The following HS3ST6 variants were observed in gnomAD, a reference collection of about 807,000 sequenced individuals.
HS3ST6 encodes heparan sulfate-glucosamine 3-sulfotransferase 6.
In HS3ST6, 13 loss-of-function variants were observed where a neutral mutation model predicts 11.0. The ratio of observed to expected loss-of-function variants is 1.18; its 90% CI spans 0.77 to 1.88. The LOEUF (loss-of-function observed/expected upper bound fraction) is 1.88, where lower values mean the gene tolerates loss of function less well. Among genes scored for constraint, HS3ST6 ranks in the 40% most tolerant of loss-of-function variants. The probability of loss-of-function intolerance (pLI) is 0.00; values close to 1 mark genes in which losing one functional copy is unlikely to be tolerated. For missense variants in HS3ST6, 541 were observed against 494.4 expected (o/e 1.09, Z -0.89); for synonymous variants, 232 against 230.6 (o/e 1.01, Z -0.06).
intron 1 of HS3ST6, among the ~76,000 whole-genome samples, chr16:1,914,962 T>C (rs1399452501): frequency 1.3e-5 from 2 of 152,146 alleles, no homozygotes; most frequent in Non-Finnish European, 2.9e-5. Flanking sequence ...GCCCCCCTCC[T>C]TGTGGAGCCC....
In HS3ST6 at chr16:1,912,288, T is replaced by A. The variant is rs1448340754; in HGVS notation, c.414-83A>T. The A allele has an allele frequency of 6.6e-6, 8 of 1,212,408 alleles. No individual in the cohort carries two copies. The highest frequency in any genetic ancestry group is 7.3e-6 in the Non-Finnish European group (7 of 955,354). 75.1% of individuals were successfully genotyped at this position (1,212,408 alleles called of 1,614,324 possible). A position where few individuals can be genotyped will look rare whatever the true frequency, so the allele number is the denominator to read the frequency against. On this transcript the variant is annotated intron_variant, in intron 1 of 1. Transcript: ENST00000454677. This position sits in a 1 kb window ranked among gnomAD's most constrained non-coding sequence, Gnocchi z 5.6. ...CAGGGGCCCGGGACCAAGGCCCCCT[T>A]ATGCCCGGGAAGCCCAGGCCTCCAG...
At chr16:1,913,244 C>T (rs541401003) in intron 1 of HS3ST6, among the ~76,000 whole-genome samples, 7 of 152,210 alleles carry the variant, frequency 4.6e-5, no homozygotes, top group African/African-American at 1.2e-4. Context: ...GACCCTGGGC[C>T]GCTGTGGCCC....
chr16:1,918,320 C>A lies in HS3ST6; in HGVS notation c.4G>T (p.Ala2Ser). M[A>S]GSGGLGGGAG... ...CCGCCGCCCAGGCCGCCGCTACCTGCCATGGGGTCGCGCCGCTCCAGGCCC... is the reference window on the plus strand; with the variant it reads ...CCGCCGCCCAGGCCGCCGCTACCTGACATGGGGTCGCGCCGCTCCAGGCCC... The change falls in exon 1 of 2, where the codon GCA (alanine) becomes TCA (serine). Residue 2 changes from alanine to serine, a missense_variant. Ala to Ser is a moderately conservative substitution (Grantham distance 99, BLOSUM62 1). Transcript: ENST00000454677. The surrounding 1 kb of genome is among the most constrained non-coding windows in gnomAD (Gnocchi z 6.0). 1 of 521,474 alleles carries A rather than the reference C, an allele frequency of 1.9e-6. No homozygotes were observed. The highest frequency in any genetic ancestry group is 2.3e-6 in the Non-Finnish European group (1 of 435,904). 32.3% of individuals were successfully genotyped at this position (521,474 alleles called of 1,614,324 possible). A position where few individuals can be genotyped will look rare whatever the true frequency, so the allele number is the denominator to read the frequency against.
At chr16:1,917,624 G>A (rs887220698) in intron 1 of HS3ST6, among the ~76,000 whole-genome samples, 1 of 152,168 alleles carries the variant, frequency 6.6e-6, no homozygotes, top group Admixed American at 6.5e-5. Context: ...TCTGGGCTGG[G>A]AAGCCACCGC....
Position 1,912,013 on chromosome 16 carries a change from G to A in HS3ST6, c.606C>T (p.Pro202=), listed in dbSNP as rs1002421731. 1 of 1,529,574 alleles carries A rather than the reference G, an allele frequency of 6.5e-7. No homozygotes were observed. The highest frequency in any genetic ancestry group is 8.8e-7 in the Non-Finnish European group (1 of 1,139,518). The allele number at this position is 1,529,574 out of a possible 1,614,324, so 94.8% of individuals were successfully genotyped here. A position where few individuals can be genotyped will look rare whatever the true frequency, so the allele number is the denominator to read the frequency against. The stretch of plus-strand genomic sequence containing the variant: ...GGCGGAAGGCCAGGGCGCGGAAGCT[G>A]GGCAGGCCCGGGGTCTTGGAGAGCG... ...AQTLSKTPGL[P]SFRALAFRHG... The change falls in exon 2 of 2, where the codon CCC becomes CCT. Residue 202 remains proline, a synonymous_variant. Transcript: ENST00000454677. This position sits in a 1 kb window ranked among gnomAD's most constrained non-coding sequence, Gnocchi z 5.6.
At chr16:1,914,671 C>T (rs2082914308) in intron 1 of HS3ST6, among the ~76,000 whole-genome samples, 1 of 152,182 alleles carries the variant, frequency 6.6e-6, no homozygotes, top group Non-Finnish European at 1.5e-5. Flanking sequence ...GGCCTTCTCT[C>T]CAAAGAGTCA....
At position 1,911,813 on chromosome 16, in the gene HS3ST6, A is replaced by G; in HGVS notation, c.806T>C (p.Leu269Pro). The change falls in exon 2 of 2, where the codon CTG becomes CCG. Residue 269 changes from leucine (L) to proline (P), a missense_variant. By Grantham distance (98) the Leu-to-Pro change is moderately conservative (BLOSUM62 -3). Coordinates refer to ENST00000454677, the MANE Select transcript of HS3ST6 (RefSeq NM_001009606.4). ...GTGCTTGTCCGTGACGACCCGTTTC[A>G]GGCCCAGGAAGTCCTGCACGCGGCC... ...EVGRVQDFLG[L>P]KRVVTDKHFY... 1.2e-6 allele frequency: 2 copies of G among 1,613,828 alleles called. No individual in the cohort carries two copies. Among genetic ancestry groups the G allele is most frequent in the Non-Finnish European group, 1.7e-6 (2 of 1,179,806 alleles).
intron 1 of HS3ST6, among the ~76,000 whole-genome samples, chr16:1,916,533 C>A (rs1241594147): frequency 6.6e-6 from 1 of 152,100 alleles, no homozygotes; most frequent in African/African-American, 2.4e-5. Flanking sequence ...CAGGGCGGGC[C>A]TGGACTGGCC....
At chr16:1,916,512 G>A (rs1055014616) in intron 1 of HS3ST6, among the ~76,000 whole-genome samples, 6 of 151,890 alleles carry the variant, frequency 4.0e-5, no homozygotes, top group African/African-American at 1.5e-4. Context: ...CCCCAGCGCT[G>A]GACACATGCC....
Position 1,912,252 on chromosome 16 carries a change from A to C in HS3ST6, c.414-47T>G, listed in dbSNP as rs1233121472. ...AGGGGGCCTGAGCCTCCCCAGCCCTAGACCGGCCCCCAGGGGCCCGGGACC... is the reference window on the plus strand; with the variant it reads ...AGGGGGCCTGAGCCTCCCCAGCCCTCGACCGGCCCCCAGGGGCCCGGGACC... On this transcript the variant is annotated intron_variant, in intron 1 of 1. Coordinates refer to ENST00000454677, the MANE Select transcript of HS3ST6 (RefSeq NM_001009606.4). The surrounding 1 kb of genome is among the most constrained non-coding windows in gnomAD (Gnocchi z 5.6). The C allele has an allele frequency of 2.3e-6, 3 of 1,318,454 alleles. No homozygotes were observed. Among genetic ancestry groups the C allele is most frequent in the South Asian group, 2.8e-5 (1 of 35,640 alleles). 81.7% of individuals were successfully genotyped at this position (1,318,454 alleles called of 1,614,324 possible).
chr16:1,918,436 G>A, upstream of HS3ST6: 1 of 161,968 alleles, frequency 6.2e-6, no homozygotes, highest in Non-Finnish European at 1.3e-5. The surrounding 1 kb of genome is among the most constrained non-coding windows in gnomAD (Gnocchi z 6.0). Context: ...CGGCGGTCCC[G>A]CAGCCTGGGA....
chr16:1,920,210 G>C (rs796913190), upstream of HS3ST6, among the ~76,000 whole-genome samples: 13 of 32,892 alleles, frequency 4.0e-4, no homozygotes, highest in South Asian at 1.8e-3. Flanking sequence ...ACGGTCTCAG[G>C]AGCCCCCACG....
rs945782014 is a variant in HS3ST6 at position 1,917,900 on chromosome 16, A to G, written c.413+11T>C. 50 of 1,431,552 alleles carry G rather than the reference A, an allele frequency of 3.5e-5. No individual in the cohort carries two copies. The highest frequency in any genetic ancestry group is 4.6e-5 in the Non-Finnish European group (50 of 1,090,806). The allele number at this position is 1,431,552 out of a possible 1,614,324, so 88.7% of individuals were successfully genotyped here. A position where few individuals can be genotyped will look rare whatever the true frequency, so the allele number is the denominator to read the frequency against. On this transcript the variant is annotated intron_variant, in intron 1 of 1. Coordinates refer to ENST00000454677, the MANE Select transcript of HS3ST6 (RefSeq NM_001009606.4). Reference sequence around the variant, plus strand: ...AGGCGCCGGTCAGGGCGGACGGGCCAGGGTGCTCACCGGTACCAGGCGAGG... The same window carrying G: ...AGGCGCCGGTCAGGGCGGACGGGCCGGGGTGCTCACCGGTACCAGGCGAGG...
At chr16:1,920,894 G>C (rs2082960884), upstream of HS3ST6, among the ~76,000 whole-genome samples, 2 of 152,232 alleles carry the variant, frequency 1.3e-5, no homozygotes, top group Admixed American at 1.3e-4. Flanking sequence ...ATGTCGCTCA[G>C]TGGAAGGGTA....
upstream of HS3ST6, among the ~76,000 whole-genome samples, chr16:1,919,626 C>T (rs536434239): frequency 6.6e-6 from 1 of 152,362 alleles, no homozygotes; most frequent in Admixed American, 6.5e-5. Context: ...GTTAATGAGC[C>T]GTTCCAGCCC....
At chr16:1,916,257 G>C (rs895318189) in intron 1 of HS3ST6, among the ~76,000 whole-genome samples, 1 of 152,180 alleles carries the variant, frequency 6.6e-6, no homozygotes, top group Non-Finnish European at 1.5e-5. Flanking sequence ...CAGCACAGTT[G>C]GTCCAAGGGA....
chr16:1,917,822 G>C, intron 1 of HS3ST6, 89 bp downstream of exon 1: 1 of 1,078,544 alleles, frequency 9.3e-7, no homozygotes, highest in Non-Finnish European at 1.2e-6. Context: ...TGCTCCCTGG[G>C]AGGCAGGATA....
chr16:1,918,054 G>A lies in HS3ST6; in HGVS notation c.270C>T (p.Phe90=), dbSNP rs1325238442. Residue 90 remains phenylalanine (F), a synonymous_variant, in exon 1 of 2, where the codon TTC becomes TTT. Transcript: ENST00000454677. The surrounding 1 kb of genome is among the most constrained non-coding windows in gnomAD (Gnocchi z 6.0). ...TCACGCCAACGATGAGCGCTTGCGG[G>A]AAGCGCCGGCGGCCGGGACCGCTGG... ...PLASGPGRRR[F]PQALIVGVKK... 2.0e-6 allele frequency: 3 copies of A among 1,513,494 alleles called. No individual in the cohort carries two copies. Among genetic ancestry groups the A allele is most frequent in the Middle Eastern group, 1.7e-4 (1 of 5,790 alleles). 93.8% of individuals were successfully genotyped at this position (1,513,494 alleles called of 1,614,324 possible). A position where few individuals can be genotyped will look rare whatever the true frequency, so the allele number is the denominator to read the frequency against.
rs936247988 is a variant in HS3ST6, at chr16:1,912,115, G to A, written c.504C>T (p.His168=). The change falls in exon 2 of 2, where the codon CAC becomes CAT. Residue 168 remains histidine, a synonymous_variant. Coordinates refer to ENST00000454677, the MANE Select transcript of HS3ST6 (RefSeq NM_001009606.4). The surrounding 1 kb of genome is among the most constrained non-coding windows in gnomAD (Gnocchi z 5.6). ...FVTREAPRRI[H]AMSPDTKLIV... ...TCAGCTTCGTGTCCGGGGACATGGC[G>A]TGGATGCGGCGGGGGGCCTCTCGCG... 4.7e-6 allele frequency: 7 copies of A among 1,504,550 alleles called. No individual in the cohort carries two copies. Among genetic ancestry groups the A allele is most frequent in the African/African-American group, 1.4e-5 (1 of 70,674 alleles). 93.2% of individuals were successfully genotyped at this position (1,504,550 alleles called of 1,614,324 possible).
Sources: allele counts gnomAD v4.1 joint callset (sites outside exome capture counted in the v4.1 genomes callset), GRCh38; gene constraint gnomAD v4.1.1; non-coding constraint Gnocchi (gnomAD v3.1); transcripts MANE v1.5; gene names NCBI Gene and HGNC (gene_info 2026-07-23, HGNC 2026-07-21).